Variants in SH3BGRL observed in about 807,000 individuals in gnomAD.
SH3BGRL encodes adapter SH3BGRL.
A neutral mutation model predicts 9.8 loss-of-function variants in SH3BGRL; 7 were observed. That is an observed-to-expected ratio of 0.72 (90% CI 0.41 to 1.35). SH3BGRL has a LOEUF of 1.35. SH3BGRL is among the 40% of genes most tolerant of loss of function. SH3BGRL has a pLI of 0.01. For missense variants in SH3BGRL, 73 were observed against 84.4 expected (o/e 0.86, Z 0.53); for synonymous variants, 36 against 29.1 (o/e 1.24, Z -0.76).
At position 81,210,383 on chromosome X, in the gene SH3BGRL, G is replaced by A. The variant is rs777541897; in HGVS notation, c.45+8138G>A. 2.7e-5 allele frequency among the ~76,000 whole-genome samples: 3 copies of A among 111,244 alleles called. No homozygotes were observed. The East Asian group carries it at 8.4e-4, about 31-fold the overall frequency. On this transcript the variant is annotated intron_variant, in intron 1 of 3. Transcript: ENST00000373212. ...TGTTATATCAAATTTGATTTAGAAG[G>A]AAGACAAGCATATATAATTACTTAA...
intron 3 of SH3BGRL, among the ~76,000 whole-genome samples, chrX:81,283,004 T>G (rs2075822687): frequency 8.9e-6 from 1 of 111,877 alleles, no homozygotes; most frequent in Non-Finnish European, 1.9e-5. Flanking sequence ...CTGACACCAC[T>G]GAAATACATA....
intron 1 of SH3BGRL, among the ~76,000 whole-genome samples, chrX:81,236,311 A>G (rs1236781424): frequency 1.8e-5 from 2 of 111,966 alleles, no homozygotes; most frequent in African/African-American, 6.5e-5. Flanking sequence ...CAACCCTTTC[A>G]GATATTAAAA....
At chrX:81,222,419 G>A (rs979400129) in intron 1 of SH3BGRL, among the ~76,000 whole-genome samples, 12 of 103,691 alleles carry the variant, frequency 1.2e-4, no homozygotes, top group African/African-American at 1.1e-4. Flanking sequence ...GAGAACATGC[G>A]GTGTTTGGCT....
intron 1 of SH3BGRL, among the ~76,000 whole-genome samples, chrX:81,213,016 G>A (rs1302424814): frequency 4.5e-5 from 5 of 111,920 alleles, no homozygotes; most frequent in East Asian, 5.6e-4. Context: ...GTACTTTTTC[G>A]TTGAAGTATA....
At chrX:81,226,606 T>TTATTTATATTTATATTTTATTAA (rs2075618138) in intron 1 of SH3BGRL, among the ~76,000 whole-genome samples, 1 of 105,606 alleles carries the variant, frequency 9.5e-6, no homozygotes, top group Non-Finnish European at 1.9e-5. Context: ...TATTTATATT[T>TTATTTATATTTATATTTTATTAA]TATTTATATT....
At chrX:81,286,518 AAAAAAAG>A (rs2075834720) in intron 3 of SH3BGRL, among the ~76,000 whole-genome samples, 7 of 106,312 alleles carry the variant, frequency 6.6e-5, no homozygotes, top group Admixed American at 3.1e-4. Flanking sequence ...AAAAAAAAAA[AAAAAAAG>A]AGAGGGGAAA....
chrX:81,203,321 G>A (rs951346733), intron 1 of SH3BGRL, among the ~76,000 whole-genome samples: 1 of 111,569 alleles, frequency 9.0e-6, no homozygotes, highest in Non-Finnish European at 1.9e-5. Flanking sequence ...TTACACCTGA[G>A]AGGATGTGGA....
intron 1 of SH3BGRL, among the ~76,000 whole-genome samples, chrX:81,213,333 G>A (rs937598096): frequency 8.9e-6 from 1 of 112,453 alleles, no homozygotes; most frequent in Non-Finnish European, 1.9e-5. Context: ...AATATTTGAA[G>A]TTGGAATGGT....
At position 81,224,865 on chromosome X, in the gene SH3BGRL, G is replaced by A. The variant is rs1335168837; in HGVS notation, c.45+22620G>A. On this transcript the variant is annotated intron_variant, in intron 1 of 3. Transcript: ENST00000373212. ...TTTCTCCTTCTTTTTCCTCAACTCT[G>A]GAGTTGGGAACACTTTTTTTTTTCC... is the stretch of plus-strand genomic sequence containing the variant. Among the ~76,000 whole-genome samples, 3 of 110,432 alleles carry A rather than the reference G, an allele frequency of 2.7e-5. No homozygotes were observed. In the East Asian group the frequency reaches 8.5e-4, roughly 31 times the overall value.
intron 3 of SH3BGRL, among the ~76,000 whole-genome samples, chrX:81,289,013 T>C (rs1429077944): frequency 1.8e-5 from 2 of 112,281 alleles, no homozygotes; most frequent in Non-Finnish European, 3.8e-5. Context: ...TCACATTACC[T>C]GACTTCCAAT....
intron 1 of SH3BGRL, among the ~76,000 whole-genome samples, chrX:81,205,504 GTA>G (rs34834268): frequency 0.13 from 11,159 of 84,935 alleles, 704 homozygotes; most frequent in East Asian, 0.5. Context: ...GTGTGTGTGT[GTA>G]TATATATATA....
chrX:81,208,408 GTCAA>G (rs1338015951), intron 1 of SH3BGRL, among the ~76,000 whole-genome samples: 4 of 112,410 alleles, frequency 3.6e-5, no homozygotes, highest in Admixed American at 2.8e-4. Context: ...AACCTCAAAT[GTCAA>G]TCAGATTGAA....
intron 1 of SH3BGRL, among the ~76,000 whole-genome samples, chrX:81,244,858 G>T (rs1451446767): frequency 7.2e-5 from 8 of 111,203 alleles, no homozygotes; most frequent in African/African-American, 2.0e-4. Flanking sequence ...TCAGGTAAAA[G>T]AAAGATTCTT....
chrX:81,219,174 A>C (rs1196820755), intron 1 of SH3BGRL, among the ~76,000 whole-genome samples: 1 of 110,370 alleles, frequency 9.1e-6, no homozygotes, highest in Admixed American at 9.7e-5. Context: ...AGGTTACATA[A>C]AATCAAGACA....
At chrX:81,250,164 G>A (rs1262345392) in intron 1 of SH3BGRL, among the ~76,000 whole-genome samples, 1 of 109,311 alleles carries the variant, frequency 9.1e-6, no homozygotes, top group Non-Finnish European at 1.9e-5. Flanking sequence ...ACTTTGGGAG[G>A]CCGAGGTGGG....
chrX:81,294,827 C>G (rs1465006108), intron 3 of SH3BGRL, among the ~76,000 whole-genome samples: 2 of 112,094 alleles, frequency 1.8e-5, no homozygotes, highest in Non-Finnish European at 3.8e-5. Flanking sequence ...GCAGAGCTGC[C>G]CAAGACCATG....
rs762495334 is a variant in SH3BGRL at position 81,281,727 on chromosome X, C to G, written c.312+3316C>G. On this transcript the variant is annotated intron_variant, in intron 3 of 3. Transcript: ENST00000373212. ...TCTTTAAGGCATAAATCACACAGGA[C>G]CTATAAAACAAAAATACAAGCTTGA... is the stretch of plus-strand genomic sequence containing the variant. Among the ~76,000 whole-genome samples the G allele has an allele frequency of 3.2e-3, 361 of 111,677 alleles. 1 individual carries two copies. Among genetic ancestry groups the G allele is most frequent in the African/African-American group, 0.011 (336 of 30,753 alleles).
At chrX:81,226,353 A>G (rs1044628750) in intron 1 of SH3BGRL, among the ~76,000 whole-genome samples, 3 of 108,938 alleles carry the variant, frequency 2.8e-5, no homozygotes, top group Non-Finnish European at 5.7e-5. Flanking sequence ...AGTTCTTTCA[A>G]ACATTCTATA....
intron 1 of SH3BGRL, among the ~76,000 whole-genome samples, chrX:81,257,295 A>T (rs781648012): frequency 8.9e-6 from 1 of 112,513 alleles, no homozygotes; most frequent in Non-Finnish European, 1.9e-5. Context: ...CAAGTTGCTC[A>T]GTCACACAGA....
Sources: gnomAD v4.1 joint callset for allele counts (sites outside exome capture counted in the v4.1 genomes callset) on GRCh38, gnomAD v4.1.1 for gene constraint, MANE v1.5 for transcripts, NCBI Gene and HGNC (gene_info 2026-07-23, HGNC 2026-07-21) for gene names.